Variants in CELF2 observed in about 807,000 individuals in gnomAD.
CELF2 encodes CUGBP Elav-like family member 2.
Under a neutral mutation model 62.6 loss-of-function variants are expected in CELF2, and 8 were observed. That is an observed-to-expected ratio of 0.13 (90% CI 0.07 to 0.23). The LOEUF is 0.23. Among genes scored for constraint, CELF2 ranks in the 10% least tolerant of loss-of-function variants. The pLI is 1.00. For missense variants in CELF2, 333 were observed against 671.0 expected, an observed-to-expected ratio of 0.50 and a Z score of 5.56; for synonymous variants, 258 against 250.0, an observed-to-expected ratio of 1.03 and a Z score of -0.30.
the CELF2 span, among the ~76,000 whole-genome samples, chr10:10,736,062 C>G: frequency 6.6e-6 from 1 of 152,164 alleles, no homozygotes; most frequent in Non-Finnish European, 1.5e-5. Flanking sequence ...GGAAATTGGA[C>G]TAGATTTTAT....
At chr10:11,013,751 C>T (rs1158075021), upstream of CELF2, among the ~76,000 whole-genome samples, 1 of 152,004 alleles carries the variant, frequency 6.6e-6, no homozygotes, top group African/African-American at 2.4e-5. The surrounding 1 kb of genome is among the most constrained non-coding windows in gnomAD (Gnocchi z 4.1). Context: ...CAGAAGTTAT[C>T]AAGATGGAGG....
chr10:10,952,714 A>G (rs1564252661), intron 2 of CELF2, among the ~76,000 whole-genome samples: 2 of 152,064 alleles, frequency 1.3e-5, no homozygotes, highest in Admixed American at 1.3e-4. Context: ...TAGTTATTTA[A>G]GGAGCTGCTT....
intron 2 of CELF2, among the ~76,000 whole-genome samples, chr10:11,169,979 A>G (rs533770579): frequency 2.0e-5 from 3 of 152,354 alleles, no homozygotes; most frequent in African/African-American, 7.2e-5. Context: ...AAGAAAAACC[A>G]TGGGATTTGG....
chr10:11,161,886 C>T (rs1338033468), intron 1 of CELF2, among the ~76,000 whole-genome samples: 1 of 152,162 alleles, frequency 6.6e-6, no homozygotes, highest in Non-Finnish European at 1.5e-5. Context: ...GCAGGTACCT[C>T]CAAAGGTTTA....
the CELF2 span, among the ~76,000 whole-genome samples, chr10:10,647,935 G>C: frequency 1.3e-5 from 2 of 152,090 alleles, no homozygotes; most frequent in African/African-American, 4.8e-5. Flanking sequence ...CCATTGTTAC[G>C]GGAGAGAAAA....
chr10:11,281,122 C>A (rs566613255), intron 8 of CELF2, among the ~76,000 whole-genome samples: 1 of 152,134 alleles, frequency 6.6e-6, no homozygotes, highest in Non-Finnish European at 1.5e-5. Flanking sequence ...GCCCCACCCC[C>A]AGGCTGTCAT....
At chr10:10,740,214 C>T in the CELF2 span, among the ~76,000 whole-genome samples, 1 of 134,260 alleles carries the variant, frequency 7.4e-6, no homozygotes, top group Non-Finnish European at 1.5e-5. Flanking sequence ...TATCAAGGAG[C>T]TTTTCCCCTG....
chr10:10,691,924 T>C, the CELF2 span, among the ~76,000 whole-genome samples: 1 of 151,318 alleles, frequency 6.6e-6, no homozygotes, highest in Non-Finnish European at 1.5e-5. Context: ...GTCAGATGAG[T>C]AGGTTGCGAA....
rs1222690582 is a variant in CELF2 at position 11,296,442 on chromosome 10, T to G, written c.976+7890T>G. ...CACAGAAATTTTTATTTCTGTGATCTTGTATGATACAAACATGTTATCACC... is the reference window on the plus strand; with the variant it reads ...CACAGAAATTTTTATTTCTGTGATCGTGTATGATACAAACATGTTATCACC... On this transcript the variant is annotated intron_variant, in intron 9 of 12. Transcript: ENST00000633077. This position sits in a 1 kb window ranked among gnomAD's most constrained non-coding sequence, Gnocchi z 5.0. Among the ~76,000 whole-genome samples the G allele has an allele frequency of 6.6e-6, 1 of 152,182 alleles. No individual in the cohort carries two copies. Among genetic ancestry groups the G allele is most frequent in the Non-Finnish European group, 1.5e-5 (1 of 68,028 alleles).
In CELF2 at chr10:11,052,994, GT is replaced by G. The variant is rs962861534; in HGVS notation, c.74+34841del. Among the ~76,000 whole-genome samples, 111 of 149,892 alleles carry G rather than the reference GT, an allele frequency of 7.4e-4. 1 individual carries two copies. The highest frequency in any genetic ancestry group is 5.7e-3 in the South Asian group (27 of 4,712). ...AACTTCCATTTTGATTACAGCCTGA[GT>G]TTTTTTTTTAAATGTTTTCTTCTTT... On this transcript the variant is annotated intron_variant, in intron 1 of 12. Transcript: ENST00000633077.
At chr10:10,604,697 G>T in the CELF2 span, among the ~76,000 whole-genome samples, 4 of 150,358 alleles carry the variant, frequency 2.7e-5, no homozygotes, top group East Asian at 7.7e-4. Flanking sequence ...CAGATAATGG[G>T]AAAAAGCAGT....
intron 1 of CELF2, among the ~76,000 whole-genome samples, chr10:10,855,034 A>G (rs1175303445): frequency 6.6e-6 from 1 of 152,052 alleles, no homozygotes; most frequent in Non-Finnish European, 1.5e-5. Flanking sequence ...CTGCTGGGGA[A>G]CTTCATCTTT....
At chr10:10,467,897 G>A in the CELF2 span, among the ~76,000 whole-genome samples, 6 of 151,982 alleles carry the variant, frequency 3.9e-5, no homozygotes, top group Non-Finnish European at 8.8e-5. Context: ...CTCAACATAA[G>A]CACCATCAAG....
intron 2 of CELF2, among the ~76,000 whole-genome samples, chr10:10,965,888 C>CAT (rs2050070039): frequency 6.6e-6 from 1 of 152,224 alleles, no homozygotes; most frequent in Admixed American, 6.5e-5. Context: ...ATGAATGGAT[C>CAT]ATATTCCACA....
At chr10:10,945,713 C>T (rs2047591052) in intron 2 of CELF2, among the ~76,000 whole-genome samples, 1 of 152,232 alleles carries the variant, frequency 6.6e-6, no homozygotes, top group Non-Finnish European at 1.5e-5. Flanking sequence ...CTGACAGTCA[C>T]TGGCATGAGC....
chr10:11,090,555 T>C (rs560718574), intron 1 of CELF2, among the ~76,000 whole-genome samples: 1 of 152,350 alleles, frequency 6.6e-6, no homozygotes, highest in Non-Finnish European at 1.5e-5. Context: ...AAGATTGATT[T>C]TTAATTTGGA....
intron 9 of CELF2, among the ~76,000 whole-genome samples, chr10:11,298,782 T>C (rs913227597): frequency 1.3e-5 from 2 of 152,308 alleles, no homozygotes; most frequent in South Asian, 2.1e-4. Context: ...AAAGATCGAA[T>C]CATTATTTTG....
chr10:10,781,297 A>G, the CELF2 span, among the ~76,000 whole-genome samples: 2 of 152,244 alleles, frequency 1.3e-5, no homozygotes, highest in African/African-American at 4.8e-5. Flanking sequence ...ATTTGCCTAT[A>G]GTATTTGGTA....
rs1182544059 is a variant in CELF2 at position 11,165,490 on chromosome 10, G to C, written c.79G>C (p.Gly27Arg). The change falls in exon 2 of 13, where the codon GGC (glycine) becomes CGC (arginine). Residue 27 changes from glycine to arginine, a missense_variant. Coordinates refer to ENST00000633077, the MANE Select transcript of CELF2 (RefSeq NM_001326342.2). This position sits in a 1 kb window ranked among gnomAD's most constrained non-coding sequence, Gnocchi z 7.4. ...GRLLVPDRIN[G>R]TANKMNGALD... ...TCCCGGTTCCGTTTTTGACAGTAAC[G>C]GCACAGCCAACAAGATGAACGGAGC... 8 of 1,612,600 alleles carry C rather than the reference G, an allele frequency of 5.0e-6. No individual in the cohort carries two copies. Among genetic ancestry groups the C allele is most frequent in the Non-Finnish European group, 6.8e-6 (8 of 1,179,356 alleles).
Sources: gnomAD v4.1 joint callset for allele counts (sites outside exome capture counted in the v4.1 genomes callset) on GRCh38, gnomAD v4.1.1 for gene constraint, Gnocchi (gnomAD v3.1) non-coding constraint, MANE v1.5 for transcripts, NCBI Gene and HGNC (gene_info 2026-07-23, HGNC 2026-07-21) for gene names.